The following TRA2A variants were observed in gnomAD, a reference collection of about 807,000 sequenced individuals.
TRA2A encodes transformer 2 alpha homolog, also known as transformer-2 protein homolog alpha.
In TRA2A, 31 loss-of-function variants were observed where a neutral mutation model predicts 45.7. The observed-to-expected ratio is 0.68, with a 90% CI of 0.51 to 0.92. TRA2A has a LOEUF of 0.92. TRA2A is among the 40% of genes least tolerant of loss of function. The pLI is 0.00. For synonymous variants in TRA2A, 132 were observed against 126.2 expected (o/e 1.05, Z -0.31); for missense variants, 304 against 367.5 (o/e 0.83, Z 1.41).
At chr7:23,505,616 A>C in intron 7 of TRA2A, 47 bp from the exon 8 acceptor site, 1 of 617,958 alleles carries the variant, frequency 1.6e-6, no homozygotes, top group Non-Finnish European at 2.9e-6. Flanking sequence ...AAAGTTAACA[A>C]TTATAGTTTA....
chr7:23,517,612 A>G (rs886256676), intron 2 of TRA2A, among the ~76,000 whole-genome samples: 4 of 150,606 alleles, frequency 2.7e-5, no homozygotes, highest in Non-Finnish European at 3.0e-5. Flanking sequence ...AACAAAGACA[A>G]AACAAAACAA....
intron 1 of TRA2A, among the ~76,000 whole-genome samples, chr7:23,523,188 C>G (rs1364891723): frequency 6.6e-6 from 1 of 152,108 alleles, no homozygotes; most frequent in Admixed American, 6.6e-5. Context: ...ATCTTTGATT[C>G]CATCTCTTTA....
At chr7:23,512,856 T>C in intron 4 of TRA2A, 38 bp downstream of exon 4, 1 of 1,441,532 alleles carries the variant, frequency 6.9e-7, no homozygotes, top group East Asian at 2.4e-5. Flanking sequence ...TTCACACTAA[T>C]TCAGTACTAT....
rs370691105 is a variant in TRA2A at position 23,516,351 on chromosome 7, T to C, written c.336+12A>G. 54 of 1,613,436 alleles carry C rather than the reference T, an allele frequency of 3.3e-5. No individual in the cohort carries two copies. In the African/African-American group the frequency reaches 6.0e-4, roughly 18 times the overall value. On this transcript the variant is annotated intron_variant, in intron 3 of 7. Transcript: ENST00000297071. ...GAAAATAAGTCTTCATTAACTTTTA[T>C]AAACCACGTACCCTGCTGCCAGTAT...
intron 4 of TRA2A, among the ~76,000 whole-genome samples, chr7:23,510,574 C>T (rs148974196): frequency 0.021 from 3,268 of 152,014 alleles, 126 homozygotes; most frequent in African/African-American, 0.075. Context: ...GTGATCTGCC[C>T]GCCTCAGCCT....
chr7:23,505,766 C>G lies in TRA2A; in HGVS notation c.818G>C (p.Arg273Thr). The G allele has an allele frequency of 1.9e-6, 3 of 1,560,852 alleles. No individual in the cohort carries two copies. Among genetic ancestry groups the G allele is most frequent in the Non-Finnish European group, 1.7e-6 (2 of 1,160,158 alleles). ...PYYSRYRSRS[R>T]SRSYSPRRY ...CATACTTGGGCTGTAGGAACGAGAT[C>G]TTGATCGTGATCTATATCGACTATA... Residue 273 changes from arginine (R) to threonine (T), a missense_variant, in exon 7 of 8, where the codon AGA becomes ACA. Arg to Thr is a moderately conservative substitution (Grantham distance 71). This residue lies in a region of TRA2A where 42 missense variants were observed against 37.0 expected (regional missense o/e 1.14). Coordinates refer to ENST00000297071, the MANE Select transcript of TRA2A (RefSeq NM_013293.5).
intron 4 of TRA2A, among the ~76,000 whole-genome samples, chr7:23,511,370 CAAAAAAAAAAAAAAAAAAAAAAAAAAAA>C (rs567187750): frequency 2.5e-5 from 1 of 40,136 alleles, no homozygotes. Flanking sequence ...GACTCCATCT[CAAAAAAAAAAAAAAAAAAAAAAAAAAAA>C]AAAAAAAAAA....
At chr7:23,526,577 C>T (rs1440028684) in intron 1 of TRA2A, among the ~76,000 whole-genome samples, 1 of 152,144 alleles carries the variant, frequency 6.6e-6, no homozygotes, top group Non-Finnish European at 1.5e-5. Flanking sequence ...TGTATTTACT[C>T]AACCTCAGCC....
rs143270420 is a variant in TRA2A, at chr7:23,519,198, C to A, written c.170+2509G>T. 7.1e-3 allele frequency among the ~76,000 whole-genome samples: 1,072 copies of A among 152,032 alleles called. 7 individuals carry two copies. Among genetic ancestry groups the A allele is most frequent in the African/African-American group, 7.9e-3 (327 of 41,490 alleles). ...CACAAGGTCAGGAGATCGAGACCAT[C>A]GTGGCTAACATGATAAAACCCCGTC... On this transcript the variant is annotated intron_variant, in intron 2 of 7. Coordinates refer to ENST00000297071, the MANE Select transcript of TRA2A (RefSeq NM_013293.5).
Position 23,505,760 on chromosome 7 carries a change from C to G in TRA2A, c.824G>C (p.Arg275Pro). 6.4e-7 allele frequency: 1 copy of G among 1,554,694 alleles called. No individual in the cohort carries two copies. The highest frequency in any genetic ancestry group is 8.6e-7 in the Non-Finnish European group (1 of 1,156,834). Residue 275 changes from arginine (R) to proline (P), a missense_variant, in exon 7 of 8, where the codon CGT becomes CCT. Around this residue, in one of 3 missense-constraint regions of TRA2A, gnomAD observed 42 missense variants for 37.0 expected, o/e 1.14. Transcript: ENST00000297071. ...AGTTCACATACTTGGGCTGTAGGAACGAGATCTTGATCGTGATCTATATCG... is the reference window on the plus strand; with the variant it reads ...AGTTCACATACTTGGGCTGTAGGAAGGAGATCTTGATCGTGATCTATATCG... ...YSRYRSRSRS[R>P]SYSPRRY
intron 1 of TRA2A, among the ~76,000 whole-genome samples, chr7:23,522,955 C>A (rs1284299328): frequency 6.6e-6 from 1 of 152,124 alleles, no homozygotes. Context: ...TAAAATTACA[C>A]CTTCTCCCAA....
intron 4 of TRA2A, among the ~76,000 whole-genome samples, chr7:23,508,080 C>T (rs1789424253): frequency 6.6e-6 from 1 of 151,968 alleles, no homozygotes; most frequent in African/African-American, 2.4e-5. Context: ...AGTTTGCAGT[C>T]TAGTACACTG....
intron 3 of TRA2A, 151 bp downstream of exon 3, chr7:23,516,212 T>G: frequency 1.5e-6 from 1 of 671,858 alleles, no homozygotes; most frequent in Non-Finnish European, 2.5e-6. Context: ...TGGTGGCATT[T>G]CCTTTACTTT....
rs1163317622 is a variant in TRA2A, at chr7:23,531,789, T to A, written c.36A>T (p.Arg12Ser). The change falls in exon 1 of 8, where the codon AGA (arginine) becomes AGT (serine). Residue 12 changes from arginine (R) to serine (S), a missense_variant and splice_region_variant. Transcript: ENST00000297071. ...SDVEENNFEG[R>S]ESRSQSKSPT... is the part of the protein sequence containing the mutation. ...ACGGCTCCCGCGGCTTTGTACTCAC[T>A]CTGCCCTCGAAGTTGTTTTCCTCCA... 2 of 1,613,548 alleles carry A rather than the reference T, an allele frequency of 1.2e-6. No individual in the cohort carries two copies.
chr7:23,515,461 C>A (rs1286421745), intron 3 of TRA2A, among the ~76,000 whole-genome samples: 1 of 152,060 alleles, frequency 6.6e-6, no homozygotes, highest in East Asian at 1.9e-4. Context: ...TCGTGATCCG[C>A]CCACCTCGGC....
At chr7:23,506,946 T>C (rs1425046016) in intron 5 of TRA2A, among the ~76,000 whole-genome samples, 2 of 152,006 alleles carry the variant, frequency 1.3e-5, no homozygotes, top group Admixed American at 1.3e-4. Context: ...CAGCCAATTT[T>C]TTGTATTTTT....
At chr7:23,528,816 T>C (rs528786892) in intron 1 of TRA2A, among the ~76,000 whole-genome samples, 27 of 152,098 alleles carry the variant, frequency 1.8e-4, no homozygotes, top group African/African-American at 6.5e-4. Flanking sequence ...TACAGGCATG[T>C]GCCACCCCGC....
At chr7:23,514,482 C>T (rs780613968) in intron 3 of TRA2A, among the ~76,000 whole-genome samples, 4 of 152,136 alleles carry the variant, frequency 2.6e-5, no homozygotes. Flanking sequence ...AAAAAAGTAT[C>T]CTCAGTTTAA....
At chr7:23,516,835 T>G (rs1435117251) in intron 2 of TRA2A, among the ~76,000 whole-genome samples, 1 of 150,416 alleles carries the variant, frequency 6.6e-6, no homozygotes, top group Non-Finnish European at 1.5e-5. Context: ...CGTGGCCGGG[T>G]GCGGTGGCTC....
Sources: gnomAD v4.1 joint callset for allele counts (sites outside exome capture counted in the v4.1 genomes callset) on GRCh38, gnomAD v4.1.1 for gene constraint, gnomAD v4.1.1 regional missense constraint, MANE v1.5 for transcripts, NCBI Gene and HGNC (gene_info 2026-07-23, HGNC 2026-07-21) for gene names.